LRP5: variants seen among roughly 807,000 people sequenced by gnomAD.
LRP5 encodes the protein low-density lipoprotein receptor-related protein 5.
A neutral mutation model predicts 154.1 loss-of-function variants in LRP5; 62 were observed. That is an observed-to-expected ratio of 0.40 (90% CI 0.33 to 0.50). The LOEUF (loss-of-function observed/expected upper bound fraction) is 0.50, where lower values mean the gene tolerates loss of function less well. Ranked by LOEUF, LRP5 falls within the 20% of genes least tolerant of loss-of-function variation. The pLI, the probability that LRP5 is intolerant of heterozygous loss-of-function variation, is 0.55. For synonymous variants in LRP5, 966 were observed against 1,011.5 expected, an observed-to-expected ratio of 0.96 and a Z score of 0.85; for missense variants, 1,915 against 2,336.7, an observed-to-expected ratio of 0.82 and a Z score of 3.72.
At chr11:68,317,971 T>A (rs312013) in intron 1 of LRP5, among the ~76,000 whole-genome samples, 1 of 151,968 alleles carries the variant, frequency 6.6e-6, no homozygotes, top group Admixed American at 6.6e-5. Context: ...GGGTATTTTC[T>A]TATTTGCTCT....
intron 1 of LRP5, among the ~76,000 whole-genome samples, chr11:68,343,360 G>A (rs957657517): frequency 6.6e-6 from 1 of 152,076 alleles, no homozygotes; most frequent in East Asian, 1.9e-4. Context: ...CGACAGCACT[G>A]TGTATTTGTG....
chr11:68,419,564 G>T (rs2098664394), intron 13 of LRP5, among the ~76,000 whole-genome samples: 1 of 148,522 alleles, frequency 6.7e-6, no homozygotes, highest in African/African-American at 2.5e-5. Flanking sequence ...TTTTGAGATG[G>T]AGTCTCACTC....
intron 1 of LRP5, among the ~76,000 whole-genome samples, chr11:68,343,825 C>T (rs534407215): frequency 1.7e-4 from 26 of 152,294 alleles, no homozygotes; most frequent in South Asian, 8.3e-4. Context: ...GACCCCCTCG[C>T]GGCTGCCATC....
chr11:68,373,413 T>C (rs1218734894), intron 5 of LRP5, among the ~76,000 whole-genome samples: 2 of 152,126 alleles, frequency 1.3e-5, no homozygotes, highest in Non-Finnish European at 2.9e-5. Flanking sequence ...CACTGCTGTG[T>C]GCCTTCAAGG....
chr11:68,344,449 G>C (rs1448615110), intron 1 of LRP5, among the ~76,000 whole-genome samples: 1 of 148,994 alleles, frequency 6.7e-6, no homozygotes, highest in African/African-American at 2.5e-5. Flanking sequence ...CTCCTGACTA[G>C]CAGGGGTTAC....
At position 68,381,463 on chromosome 11, in the gene LRP5, G is replaced by C. The variant is rs554577853; in HGVS notation, c.1016-4853G>C. Among the ~76,000 whole-genome samples, 5 of 152,148 alleles carry C rather than the reference G, an allele frequency of 3.3e-5. No homozygotes were observed. In the South Asian group the frequency reaches 8.3e-4, roughly 25 times the overall value. On this transcript the variant is annotated intron_variant, in intron 5 of 22. Transcript: ENST00000294304. ...GCTTTTTTGTTTTGAGGATAAGGCT[G>C]CCTGCCAGGAAGCTGTGCCCTGCCT...
At chr11:68,406,942 C>A in intron 9 of LRP5, 129 bp downstream of exon 9, 8 of 869,224 alleles carry the variant, frequency 9.2e-6, no homozygotes, top group East Asian at 2.7e-5. Context: ...TCAAGCTAAT[C>A]AAATATGAGC....
intron 22 of LRP5, among the ~76,000 whole-genome samples, 192 bp from the exon 23 acceptor site, chr11:68,448,617 G>A (rs1243401951): frequency 6.6e-6 from 1 of 152,168 alleles, no homozygotes; most frequent in African/African-American, 2.4e-5. Context: ...CATGGTAGAG[G>A]TGGGACCATT....
At chr11:68,417,958 A>T (rs186097171) in intron 13 of LRP5, among the ~76,000 whole-genome samples, 1 of 152,124 alleles carries the variant, frequency 6.6e-6, no homozygotes, top group East Asian at 1.9e-4. Context: ...ATAGAAAAAC[A>T]AGTGCTGTAG....
chr11:68,358,201 C>T (rs561589281), intron 3 of LRP5, among the ~76,000 whole-genome samples: 25 of 152,134 alleles, frequency 1.6e-4, no homozygotes, highest in Admixed American at 1.2e-3. Context: ...CTGCAGCCCC[C>T]ACCTCCCAGG....
At chr11:68,440,205 C>T (rs901515101) in intron 21 of LRP5, among the ~76,000 whole-genome samples, 6 of 152,334 alleles carry the variant, frequency 3.9e-5, no homozygotes, top group South Asian at 4.1e-4. Context: ...GTCTGTGTTC[C>T]GCACGGCCCA....
At chr11:68,302,182 C>T in the LRP5 span, among the ~76,000 whole-genome samples, 1 of 151,296 alleles carries the variant, frequency 6.6e-6, no homozygotes, top group South Asian at 2.1e-4. Context: ...CTCATCTCTA[C>T]TAGAAATACA....
chr11:68,391,634 C>T (rs569447085), intron 7 of LRP5, among the ~76,000 whole-genome samples: 12 of 152,336 alleles, frequency 7.9e-5, no homozygotes, highest in Admixed American at 3.9e-4. Flanking sequence ...GCTGAGTGGA[C>T]GCCCTTCCCA....
rs2306862 is a variant in LRP5, at chr11:68,410,042, C to T, written c.2220C>T (p.Asn740=). Residue 740 remains asparagine (N), a synonymous_variant, in exon 10 of 23, where the codon AAC becomes AAT. Coordinates refer to ENST00000294304, the MANE Select transcript of LRP5 (RefSeq NM_002335.4). ...KNLYWADTGT[N]RIEVARLDGQ... The stretch of plus-strand genomic sequence containing the variant: ...TCTACTGGGCCGACACTGGGACCAA[C>T]AGAATCGAAGTGGCGCGGCTGGACG... 0.15 allele frequency: 240,766 copies of T among 1,613,820 alleles called. 19,522 individuals carry two copies. The highest frequency in any genetic ancestry group is 0.23 in the East Asian group (10,191 of 44,858).
At position 68,411,629 on chromosome 11, in the gene LRP5, C is replaced by T. The variant is rs754697215; in HGVS notation, c.2503+9C>T. The T allele has an allele frequency of 2.0e-5, 32 of 1,604,360 alleles. No homozygotes were observed. The highest frequency in any genetic ancestry group is 1.8e-4 in the East Asian group (8 of 44,746). On this transcript the variant is annotated intron_variant, in intron 11 of 22. Transcript: ENST00000294304. ...GTCGTCCAACATGCTGGGTGAGGGC[C>T]GGGCTGGGGCCTTCTGGTCATGGAG...
At chr11:68,323,196 C>T (rs2098597729) in intron 1 of LRP5, among the ~76,000 whole-genome samples, 1 of 152,166 alleles carries the variant, frequency 6.6e-6, no homozygotes, top group Admixed American at 6.5e-5. Context: ...GCAACCTCTG[C>T]CTCCTGGGTT....
At chr11:68,307,046 G>C in the LRP5 span, among the ~76,000 whole-genome samples, 1 of 152,198 alleles carries the variant, frequency 6.6e-6, no homozygotes, top group African/African-American at 2.4e-5. Flanking sequence ...GCCGGGTGTG[G>C]TGGCGCATGC....
chr11:68,365,668 G>A lies in LRP5; in HGVS notation c.981G>A (p.Val327=). 1 of 1,582,672 alleles carries A rather than the reference G, an allele frequency of 6.3e-7. No homozygotes were observed. The highest frequency in any genetic ancestry group is 1.1e-5 in the South Asian group (1 of 90,744). ...PFYTCACPTG[V]QLQDNGRTCK... Reference sequence around the variant, plus strand: ...ACACATGCGCCTGCCCCACGGGTGTGCAGCTGCAGGACAACGGCAGGACGT... The same window carrying A: ...ACACATGCGCCTGCCCCACGGGTGTACAGCTGCAGGACAACGGCAGGACGT... Residue 327 remains valine (V), a synonymous_variant, in exon 5 of 23, where the codon GTG becomes GTA. Coordinates refer to ENST00000294304, the MANE Select transcript of LRP5 (RefSeq NM_002335.4).
At chr11:68,340,486 GAGCGCTTT>G (rs1323184345) in intron 1 of LRP5, among the ~76,000 whole-genome samples, 1 of 152,176 alleles carries the variant, frequency 6.6e-6, no homozygotes, top group East Asian at 1.9e-4. Context: ...GTTACCTCTT[GAGCGCTTT>G]TCTATGAAGC....
Sources: allele counts gnomAD v4.1 joint callset (sites outside exome capture counted in the v4.1 genomes callset), GRCh38; gene constraint gnomAD v4.1.1; transcripts MANE v1.5; gene names NCBI Gene and HGNC (gene_info 2026-07-23, HGNC 2026-07-21).